Variants in ARSF observed in about 807,000 individuals in gnomAD.
The protein encoded by ARSF is arylsulfatase F.
ARSF carries 33 observed loss-of-function variants against 35.4 expected under a neutral mutation model. The ratio of observed to expected loss-of-function variants is 0.93; its 90% CI spans 0.71 to 1.25. The LOEUF (loss-of-function observed/expected upper bound fraction) is 1.25. ARSF is among the 50% of genes most tolerant of loss of function. The pLI is 0.00. For missense variants in ARSF, 501 were observed against 480.2 expected, an observed-to-expected ratio of 1.04 and a Z score of -0.40; for synonymous variants, 222 against 193.1, an observed-to-expected ratio of 1.15 and a Z score of -1.24.
At chrX:3,082,291 C>A (rs757316086) in intron 5 of ARSF, among the ~76,000 whole-genome samples, 2 of 111,515 alleles carry the variant, frequency 1.8e-5, no homozygotes, top group Non-Finnish European at 3.8e-5. Flanking sequence ...CTGGTCCATC[C>A]TCCATGATTT....
chrX:3,041,930 G>A lies in ARSF; in HGVS notation c.-29+267G>A, dbSNP rs1483071591. 2.7e-5 allele frequency among the ~76,000 whole-genome samples: 3 copies of A among 111,897 alleles called. No homozygotes were observed. The East Asian group carries it at 8.3e-4, about 31-fold the overall frequency. On this transcript the variant is annotated intron_variant, in intron 1 of 10. Transcript: ENST00000381127. ...AAGCTGGCTTTAAAATTATTGGTAC[G>A]ATAGTATTAGAAATATCTTAAAAAT...
chrX:3,049,045 AT>A (rs1403219812), intron 1 of ARSF, among the ~76,000 whole-genome samples: 1 of 112,058 alleles, frequency 8.9e-6, no homozygotes, highest in Admixed American at 9.5e-5. Context: ...CAAACTGTAA[AT>A]TTTTTTAAGA....
intron 7 of ARSF, among the ~76,000 whole-genome samples, chrX:3,094,208 G>A (rs1471378165): frequency 8.9e-6 from 1 of 111,919 alleles, no homozygotes; most frequent in Non-Finnish European, 1.9e-5. Context: ...GGAGGCAAAA[G>A]TATGTGGCCT....
At chrX:3,087,529 G>A (rs2147520089) in intron 6 of ARSF, among the ~76,000 whole-genome samples, 1 of 111,793 alleles carries the variant, frequency 8.9e-6, no homozygotes, top group South Asian at 3.7e-4. Flanking sequence ...TCCAGGATGA[G>A]CTCATCTTCA....
chrX:3,045,964 C>A (rs2089973322), intron 1 of ARSF, among the ~76,000 whole-genome samples: 1 of 110,596 alleles, frequency 9.0e-6, no homozygotes, highest in Admixed American at 9.7e-5. Flanking sequence ...CCTAATGCAA[C>A]CTCTGCCTCC....
At chrX:3,092,732 A>G (rs753295389) in intron 7 of ARSF, among the ~76,000 whole-genome samples, 12 of 112,492 alleles carry the variant, frequency 1.1e-4, no homozygotes, top group Middle Eastern at 4.6e-3. Context: ...AATTTTAGCA[A>G]TTCTCAAGCA....
intron 4 of ARSF, among the ~76,000 whole-genome samples, 165 bp from the exon 5 acceptor site, chrX:3,080,726 T>G (rs1471270610): frequency 2.7e-5 from 3 of 110,853 alleles, no homozygotes; most frequent in Non-Finnish European, 5.7e-5. Flanking sequence ...GGGCACTGAT[T>G]CCATTCTTGA....
rs752596188 is a variant in ARSF, at chrX:3,089,542, C to T, written c.877C>T (p.His293Tyr). ...FLLFFSFLHV[H>Y]TPLPTTDDFT... The stretch of plus-strand genomic sequence containing the variant: ...TCTCTTTTTCTCCTTTCTTCACGTG[C>T]ACACACCTCTCCCCACCACGGACGA... The change falls in exon 7 of 11, where the codon CAC (histidine) becomes TAC (tyrosine). Residue 293 changes from histidine to tyrosine, a missense_variant. His to Tyr is a moderately conservative substitution (Grantham distance 83, BLOSUM62 2). Transcript: ENST00000381127. 6 of 1,211,584 alleles carry T rather than the reference C, an allele frequency of 5.0e-6. No individual in the cohort carries two copies. The highest frequency in any genetic ancestry group is 6.7e-6 in the Non-Finnish European group (6 of 895,242).
intron 7 of ARSF, among the ~76,000 whole-genome samples, chrX:3,099,631 T>C (rs2090362230): frequency 8.9e-6 from 1 of 111,819 alleles, no homozygotes; most frequent in South Asian, 3.7e-4. Context: ...CTTGATTAAA[T>C]GGTGTCTTCC....
chrX:3,065,388 C>T (rs913083028), intron 1 of ARSF, among the ~76,000 whole-genome samples: 1 of 107,967 alleles, frequency 9.3e-6, no homozygotes, highest in Admixed American at 1.0e-4. Flanking sequence ...ACCTATGTAA[C>T]GAGCCTGCAT....
chrX:3,062,920 T>TAGAAAA (rs1279351035), intron 1 of ARSF, among the ~76,000 whole-genome samples: 2 of 111,403 alleles, frequency 1.8e-5, no homozygotes, highest in African/African-American at 6.5e-5. Flanking sequence ...TTCCAATCAA[T>TAGAAAA]AGAAAAAGAG....
At chrX:3,073,739 A>T (rs772101823) in intron 3 of ARSF, among the ~76,000 whole-genome samples, 1 of 95,611 alleles carries the variant, frequency 1.0e-5, no homozygotes, top group Non-Finnish European at 2.2e-5. Context: ...ATAAATATGT[A>T]TGAATTTATG....
At chrX:3,096,884 G>A (rs1480545056) in intron 7 of ARSF, among the ~76,000 whole-genome samples, 1 of 111,171 alleles carries the variant, frequency 9.0e-6, no homozygotes, top group African/African-American at 3.3e-5. Flanking sequence ...TTGGAAATAG[G>A]GTCGTTGCAG....
Position 3,060,957 on chromosome X carries a change from T to C in ARSF, c.-28-7116T>C, listed in dbSNP as rs763737204. On this transcript the variant is annotated intron_variant, in intron 1 of 10. Coordinates refer to ENST00000381127, the MANE Select transcript of ARSF (RefSeq NM_001201539.2). Reference sequence around the variant, plus strand: ...GGCCAACATTCAAATTCAGGAAATATAGAGAAAGCCACAAAGATACTCCTC... The same window carrying C: ...GGCCAACATTCAAATTCAGGAAATACAGAGAAAGCCACAAAGATACTCCTC... 2.8e-4 allele frequency among the ~76,000 whole-genome samples: 31 copies of C among 110,882 alleles called. No individual in the cohort carries two copies. The East Asian group carries it at 3.1e-3, about 11-fold the overall frequency.
chrX:3,074,955 C>G (rs977062337), intron 3 of ARSF, among the ~76,000 whole-genome samples: 1 of 111,941 alleles, frequency 8.9e-6, no homozygotes, highest in African/African-American at 3.2e-5. Flanking sequence ...ATTTGTCTCT[C>G]TGTGCTTGGC....
chrX:3,064,807 A>G (rs752904933), intron 1 of ARSF, among the ~76,000 whole-genome samples: 163 of 111,528 alleles, frequency 1.5e-3, no homozygotes, highest in African/African-American at 5.0e-3. Flanking sequence ...GAAACAACAG[A>G]TCCTGGAGAG....
intron 1 of ARSF, among the ~76,000 whole-genome samples, chrX:3,051,463 A>G (rs751818932): frequency 8.9e-6 from 1 of 111,915 alleles, no homozygotes; most frequent in Non-Finnish European, 1.9e-5. Flanking sequence ...AAGCTAATGG[A>G]AATAATGGTG....
intron 1 of ARSF, among the ~76,000 whole-genome samples, chrX:3,067,521 A>T (rs1237646330): frequency 9.0e-6 from 1 of 111,256 alleles, no homozygotes; most frequent in African/African-American, 3.3e-5. Flanking sequence ...CATTGAGACA[A>T]TGCTCTTGGG....
chrX:3,088,933 T>C (rs933329999), intron 6 of ARSF, among the ~76,000 whole-genome samples: 1 of 110,706 alleles, frequency 9.0e-6, no homozygotes, highest in African/African-American at 3.3e-5. Flanking sequence ...GGGTCACTGA[T>C]GGGTTGGGGT....
Sources: allele counts gnomAD v4.1 joint callset (sites outside exome capture counted in the v4.1 genomes callset), GRCh38; gene constraint gnomAD v4.1.1; transcripts MANE v1.5; gene names NCBI Gene and HGNC (gene_info 2026-07-23, HGNC 2026-07-21).